Variants in ASCC1 observed in about 807,000 individuals in gnomAD.
ASCC1 encodes activating signal cointegrator 1 complex subunit 1.
In ASCC1, 35 loss-of-function variants were observed where a neutral mutation model predicts 46.6. That is an observed-to-expected ratio of 0.75 (90% CI 0.57 to 0.99). The LOEUF is 0.99. Ranked by LOEUF, ASCC1 falls within the 50% of genes least tolerant of loss-of-function variation. The pLI is 0.00. For synonymous variants in ASCC1, 143 were observed against 146.6 expected (o/e 0.98, Z 0.18); for missense variants, 376 against 428.7 (o/e 0.88, Z 1.09).
intron 9 of ASCC1, 125 bp from the exon 10 acceptor site, chr10:72,097,575 T>C: frequency 1.5e-6 from 1 of 655,374 alleles, no homozygotes; most frequent in Non-Finnish European, 2.7e-6. Context: ...GCTTTTTCTT[T>C]TCAGTGTTTA....
chr10:72,205,299 G>T (rs1193339905), intron 3 of ASCC1, among the ~76,000 whole-genome samples: 1 of 151,544 alleles, frequency 6.6e-6, no homozygotes, highest in Non-Finnish European at 1.5e-5. Context: ...GCGAAACCCT[G>T]TCTCTACCAA....
chr10:72,197,853 C>T (rs1855693453), intron 4 of ASCC1, among the ~76,000 whole-genome samples: 1 of 150,470 alleles, frequency 6.6e-6, no homozygotes, highest in Admixed American at 6.7e-5. Flanking sequence ...TTCCAGTGAA[C>T]TGAGATCACG....
chr10:72,146,919 C>T (rs1847699550), intron 7 of ASCC1, among the ~76,000 whole-genome samples: 2 of 151,836 alleles, frequency 1.3e-5, no homozygotes, highest in South Asian at 4.2e-4. Flanking sequence ...TTGTATTGAG[C>T]TGTCTTTTCA....
chr10:72,197,467 CAAAAAAAAAAAA>C (rs59460393), intron 4 of ASCC1, among the ~76,000 whole-genome samples: 2 of 51,364 alleles, frequency 3.9e-5, no homozygotes, highest in Non-Finnish European at 6.8e-5. Context: ...GACTCTATCT[CAAAAAAAAAAAA>C]AAAAAAAAAA....
At chr10:72,171,235 T>A (rs4390272) in intron 5 of ASCC1, among the ~76,000 whole-genome samples, 5,796 of 152,292 alleles carry the variant, frequency 0.038, 388 homozygotes, top group African/African-American at 0.13. Context: ...GAACTTATCC[T>A]ACCATCTTCT....
chr10:72,120,042 GC>G (rs1844001831), intron 9 of ASCC1, among the ~76,000 whole-genome samples: 1 of 152,220 alleles, frequency 6.6e-6, no homozygotes, highest in East Asian at 1.9e-4. Flanking sequence ...TTTAAGACTG[GC>G]CTGGCCAACA....
intron 8 of ASCC1, among the ~76,000 whole-genome samples, 164 bp downstream of exon 8, chr10:72,132,893 C>T (rs1470157429): frequency 6.6e-6 from 1 of 152,166 alleles, no homozygotes; most frequent in African/African-American, 2.4e-5. Flanking sequence ...CAGTTCCATG[C>T]TATATATGTT....
intron 7 of ASCC1, among the ~76,000 whole-genome samples, chr10:72,148,174 A>C (rs949791668): frequency 5.3e-5 from 8 of 152,308 alleles, no homozygotes; most frequent in Non-Finnish European, 7.4e-5. Context: ...AAATGATTTT[A>C]TTAAATCTCA....
At chr10:72,198,472 A>G (rs1052111206) in intron 4 of ASCC1, 7 of 446,756 alleles carry the variant, frequency 1.6e-5, no homozygotes, top group Non-Finnish European at 2.2e-5. Flanking sequence ...ACTCTGGGGC[A>G]AAGGCCAAGG....
chr10:72,195,738 A>G (rs143542202), intron 5 of ASCC1, among the ~76,000 whole-genome samples: 20,745 of 151,390 alleles, frequency 0.14, 4,050 homozygotes, highest in African/African-American at 0.43. Context: ...GGAGGCTGAG[A>G]TAGGAGAATT....
At chr10:72,149,266 G>A (rs1339024241) in intron 7 of ASCC1, among the ~76,000 whole-genome samples, 2 of 151,848 alleles carry the variant, frequency 1.3e-5, no homozygotes, top group Admixed American at 6.6e-5. Flanking sequence ...GTGAAACCCT[G>A]TCTCTACTAA....
intron 8 of ASCC1, among the ~76,000 whole-genome samples, chr10:72,131,700 G>C (rs1415699101): frequency 6.6e-6 from 1 of 152,086 alleles, no homozygotes; most frequent in African/African-American, 2.4e-5. Context: ...TACCATGACT[G>C]TAACTAAACG....
intron 4 of ASCC1, chr10:72,198,441 G>A (rs1247266462): frequency 9.7e-6 from 4 of 413,038 alleles, no homozygotes; most frequent in Admixed American, 8.8e-5. Flanking sequence ...GGCAAGGCAT[G>A]CTCATGCCTG....
chr10:72,134,260 G>A (rs969450328), intron 7 of ASCC1: 7 of 152,056 alleles, frequency 4.6e-5, no homozygotes, highest in Non-Finnish European at 7.4e-5. Flanking sequence ...GCAATACCTC[G>A]TCTCTACAAG....
At chr10:72,209,450 C>G (rs1857720140) in intron 3 of ASCC1, among the ~76,000 whole-genome samples, 1 of 152,142 alleles carries the variant, frequency 6.6e-6, no homozygotes, top group Non-Finnish European at 1.5e-5. Context: ...CCACTGCACT[C>G]TAACCTGGCA....
intron 8 of ASCC1, among the ~76,000 whole-genome samples, chr10:72,132,035 AT>A (rs1277784743): frequency 1.3e-5 from 2 of 152,012 alleles, no homozygotes; most frequent in East Asian, 3.9e-4. Context: ...CACCCGGCTA[AT>A]TTTTGTATTT....
chr10:72,190,716 G>A (rs577834151), intron 5 of ASCC1: 9 of 595,514 alleles, frequency 1.5e-5, no homozygotes, highest in African/African-American at 1.3e-4. Flanking sequence ...TTAAAGTGAA[G>A]GCCGGGCACG....
At chr10:72,113,541 C>T (rs948541167) in intron 9 of ASCC1, among the ~76,000 whole-genome samples, 21 of 152,308 alleles carry the variant, frequency 1.4e-4, no homozygotes, top group Admixed American at 6.5e-4. Flanking sequence ...CTTCACTGTC[C>T]AGGCAAAGTA....
At chr10:72,131,144 G>A (rs1845532419) in intron 8 of ASCC1, among the ~76,000 whole-genome samples, 1 of 152,150 alleles carries the variant, frequency 6.6e-6, no homozygotes. Context: ...AACTGGGCCG[G>A]GCGCAGTGGC....
Sources: allele counts gnomAD v4.1 joint callset (sites outside exome capture counted in the v4.1 genomes callset), GRCh38; gene constraint gnomAD v4.1.1; transcripts MANE v1.5; gene names NCBI Gene and HGNC (gene_info 2026-07-23, HGNC 2026-07-21).